Variants in INTS15 observed in about 807,000 individuals in gnomAD.
The protein encoded by INTS15 is integrator complex subunit 15.
the INTS15 span, chr7:6,607,486 A>G: frequency 2.3e-6 from 3 of 1,280,958 alleles, no homozygotes; most frequent in East Asian, 5.6e-5. This position sits in a 1 kb window ranked among gnomAD's most constrained non-coding sequence, Gnocchi z 6.0. Context: ...GGCTGGGTCC[A>G]GGCCTGGGCC....
At chr7:6,595,751 A>T in the INTS15 span, among the ~76,000 whole-genome samples, 1 of 152,020 alleles carries the variant, frequency 6.6e-6, no homozygotes. Context: ...GTGCAGTCAT[A>T]GGTCACTGTA....
chr7:6,600,498 C>T, the INTS15 span: 1 of 852,682 alleles, frequency 1.2e-6, no homozygotes, highest in Non-Finnish European at 1.8e-6. Context: ...GGAAGGTGCC[C>T]CAGCCGTGCC....
the INTS15 span, among the ~76,000 whole-genome samples, chr7:6,598,315 C>A: frequency 6.6e-6 from 1 of 151,966 alleles, no homozygotes. Flanking sequence ...ACTAAAAATA[C>A]AAAAATTAGC....
At chr7:6,608,517 G>C in the INTS15 span, 5 of 1,156,998 alleles carry the variant, frequency 4.3e-6, no homozygotes, top group South Asian at 7.9e-5. Flanking sequence ...CTCTTTCCTC[G>C]TGAAGACGAT....
At chr7:6,608,533 C>T in the INTS15 span, 1 of 1,123,804 alleles carries the variant, frequency 8.9e-7, no homozygotes, top group Non-Finnish European at 1.1e-6. Flanking sequence ...ACGATGTGTC[C>T]CCGCCAGAAA....
the INTS15 span, chr7:6,600,483 G>T: frequency 9.9e-7 from 1 of 1,008,196 alleles, no homozygotes; most frequent in Non-Finnish European, 1.4e-6. Flanking sequence ...AGTGAACACA[G>T]GGGAGGAAGG....
chr7:6,597,803 C>T, the INTS15 span, among the ~76,000 whole-genome samples: 4 of 152,296 alleles, frequency 2.6e-5, no homozygotes, highest in East Asian at 7.7e-4. Context: ...CAGCAGTGGC[C>T]CTGGAAGTCA....
At chr7:6,601,829 G>A in the INTS15 span, among the ~76,000 whole-genome samples, 1 of 150,516 alleles carries the variant, frequency 6.6e-6, no homozygotes, top group African/African-American at 2.4e-5. Flanking sequence ...ACTGATTTTT[G>A]TATTTTTAGT....
At chr7:6,600,829 T>C in the INTS15 span, among the ~76,000 whole-genome samples, 1 of 152,114 alleles carries the variant, frequency 6.6e-6, no homozygotes, top group African/African-American at 2.4e-5. Flanking sequence ...GGCTAATTTT[T>C]GTATTTTTAG....
the INTS15 span, among the ~76,000 whole-genome samples, chr7:6,590,756 A>G: frequency 1.3e-5 from 2 of 152,072 alleles, no homozygotes; most frequent in Non-Finnish European, 2.9e-5. Flanking sequence ...CTGTTACCGA[A>G]AGGCTCATCC....
chr7:6,602,759 A>C, the INTS15 span: 2 of 471,142 alleles, frequency 4.2e-6, no homozygotes, highest in Admixed American at 4.7e-5. Context: ...TCAGGTGAAA[A>C]GTGGGAACTG....
chr7:6,591,771 C>G, the INTS15 span: 1 of 1,614,084 alleles, frequency 6.2e-7, no homozygotes, highest in Non-Finnish European at 8.5e-7. Flanking sequence ...GGAACAAAGC[C>G]GATGACAGCC....
chr7:6,607,458 G>C, the INTS15 span: 8 of 1,117,590 alleles, frequency 7.2e-6, no homozygotes, highest in Non-Finnish European at 9.7e-6. The surrounding 1 kb of genome is among the most constrained non-coding windows in gnomAD (Gnocchi z 6.0). Flanking sequence ...AGGTGGGTGG[G>C]TCCCGGAGGT....
chr7:6,600,026 C>T, the INTS15 span: 1 of 1,614,152 alleles, frequency 6.2e-7, no homozygotes, highest in East Asian at 2.2e-5. Context: ...GAAAAAGAAG[C>T]CCCCCTTATC....
the INTS15 span, among the ~76,000 whole-genome samples, chr7:6,592,241 T>G: frequency 6.6e-6 from 1 of 151,936 alleles, no homozygotes; most frequent in Non-Finnish European, 1.5e-5. Context: ...TTTAATTAGA[T>G]TTCTGGAGTG....
At chr7:6,594,590 C>G in the INTS15 span, 1 of 1,614,054 alleles carries the variant, frequency 6.2e-7, no homozygotes, top group Non-Finnish European at 8.5e-7. Flanking sequence ...CGCTCTATGA[C>G]CTGTCATCAG....
the INTS15 span, among the ~76,000 whole-genome samples, chr7:6,594,118 C>T: frequency 6.9e-6 from 1 of 145,762 alleles, no homozygotes; most frequent in Non-Finnish European, 1.5e-5. Flanking sequence ...AAGTGATTCT[C>T]CTGCCTCAGC....
At chr7:6,602,209 G>A in the INTS15 span, 9 of 1,365,980 alleles carry the variant, frequency 6.6e-6, no homozygotes, top group African/African-American at 8.8e-5. Flanking sequence ...AAGACAGGGC[G>A]AGCCCCTTTG....
At chr7:6,591,992 C>A in the INTS15 span, 20 of 744,248 alleles carry the variant, frequency 2.7e-5, no homozygotes, top group South Asian at 3.6e-4. Flanking sequence ...ACCAACATGG[C>A]GAAATCATGT....
Sources: allele counts gnomAD v4.1 joint callset (sites outside exome capture counted in the v4.1 genomes callset), GRCh38; gene constraint gnomAD v4.1.1; non-coding constraint Gnocchi (gnomAD v3.1); transcripts MANE v1.5; gene names NCBI Gene and HGNC (gene_info 2026-07-23, HGNC 2026-07-21).